Variants in MKLN1 observed in about 807,000 individuals in gnomAD.
The protein encoded by MKLN1 is muskelin 1.
Under a neutral mutation model 99.0 loss-of-function variants are expected in MKLN1, and 18 were observed. That is an observed-to-expected ratio of 0.18 (90% CI 0.13 to 0.27). MKLN1 has a LOEUF of 0.27. Among genes scored for constraint, MKLN1 ranks in the 10% least tolerant of loss-of-function variants. The pLI is 1.00. For synonymous variants in MKLN1, 288 were observed against 293.2 expected, an observed-to-expected ratio of 0.98 and a Z score of 0.18; for missense variants, 621 against 875.9, an observed-to-expected ratio of 0.71 and a Z score of 3.67.
intron 1 of MKLN1, among the ~76,000 whole-genome samples, chr7:131,139,501 G>A (rs1348421705): frequency 6.6e-6 from 1 of 152,096 alleles, no homozygotes; most frequent in African/African-American, 2.4e-5. Flanking sequence ...TCCTAGAGAG[G>A]CCCCCTGCTT....
intron 1 of MKLN1, among the ~76,000 whole-genome samples, chr7:131,339,621 T>C (rs1311642827): frequency 1.3e-5 from 2 of 151,420 alleles, no homozygotes; most frequent in African/African-American, 4.9e-5. Flanking sequence ...ATTGCTTGAA[T>C]CCAGGAGGTG....
rs78688914 is a variant in MKLN1, at chr7:131,315,284, G to A, written c.-178-60140G>A. Among the ~76,000 whole-genome samples the A allele has an allele frequency of 7.9e-3, 1,200 of 152,052 alleles. 18 individuals carry two copies. The highest frequency in any genetic ancestry group is 0.028 in the African/African-American group (1,163 of 41,452). On this transcript the variant is annotated intron_variant, in intron 3 of 7. Coordinates refer to the MKLN1 transcript ENST00000416992. ...CCCATGGAGAGCAAGCAGAAGGGTG[G>A]GGCATTGCTTCACCACGGAAGTGCA...
intron 3 of MKLN1, among the ~76,000 whole-genome samples, chr7:131,278,762 T>C (rs1473604123): frequency 1.3e-5 from 2 of 151,634 alleles, no homozygotes; most frequent in African/African-American, 4.8e-5. Context: ...CCCAGCTAAT[T>C]TTTAAAATTT....
At chr7:131,180,113 A>G (rs2116356653) in intron 2 of MKLN1, among the ~76,000 whole-genome samples, 1 of 152,346 alleles carries the variant, frequency 6.6e-6, no homozygotes, top group South Asian at 2.1e-4. Context: ...AAAGTTTGTC[A>G]TAGCTCTGTG....
At chr7:131,434,867 T>C (rs1055781647) in intron 9 of MKLN1, among the ~76,000 whole-genome samples, 1 of 152,192 alleles carries the variant, frequency 6.6e-6, no homozygotes, top group African/African-American at 2.4e-5. Context: ...CTTTATTTTA[T>C]TTTTTAATGC....
intron 6 of MKLN1, among the ~76,000 whole-genome samples, chr7:131,403,340 A>G (rs1476073794): frequency 6.6e-6 from 1 of 152,186 alleles, no homozygotes; most frequent in Non-Finnish European, 1.5e-5. Flanking sequence ...GAAGAGAGTT[A>G]AGGCCATGCT....
chr7:131,468,385 T>A (rs1021798731), intron 15 of MKLN1, among the ~76,000 whole-genome samples: 3 of 152,216 alleles, frequency 2.0e-5, no homozygotes, highest in African/African-American at 7.2e-5. Flanking sequence ...AGAAATTGCC[T>A]TTTTAATTCA....
At position 131,447,025 on chromosome 7, in the gene MKLN1, C is replaced by T. The variant is rs560292445; in HGVS notation, c.1525+1122C>T. Among the ~76,000 whole-genome samples, 4 of 152,246 alleles carry T rather than the reference C, an allele frequency of 2.6e-5. No individual in the cohort carries two copies. The South Asian group carries it at 8.3e-4, about 32-fold the overall frequency. On this transcript the variant is annotated intron_variant, in intron 12 of 17. Coordinates refer to ENST00000352689, the MANE Select transcript of MKLN1 (RefSeq NM_013255.5). ...TAAAAAACGAAGGATAGGGACACAA[C>T]AGGAAAAGCGAAACTTTTTATAAAA...
At chr7:131,257,639 A>G (rs531149709) in intron 3 of MKLN1, among the ~76,000 whole-genome samples, 3 of 152,264 alleles carry the variant, frequency 2.0e-5, no homozygotes, top group Non-Finnish European at 2.9e-5. Flanking sequence ...ACAGATGAGA[A>G]CCAAATGGCT....
At chr7:131,166,982 C>T (rs1796135343) in intron 2 of MKLN1, among the ~76,000 whole-genome samples, 1 of 152,096 alleles carries the variant, frequency 6.6e-6, no homozygotes, top group African/African-American at 2.4e-5. Flanking sequence ...TGAGCCACTG[C>T]GTCCGGCCTA....
rs1584680318 is a variant in MKLN1 at position 131,384,383 on chromosome 7, GAC to G, written c.169-2733_169-2732del. ...AAGTGTCCTTACTAGACACAGAAAA[GAC>G]ACAGATACAGGGAAGAAAGCCATGT... On this transcript the variant is annotated intron_variant, in intron 2 of 17. Coordinates refer to ENST00000352689, the MANE Select transcript of MKLN1 (RefSeq NM_013255.5). 1.3e-5 allele frequency among the ~76,000 whole-genome samples: 2 copies of G among 151,928 alleles called. 1 individual carries two copies. Among genetic ancestry groups the G allele is most frequent in the South Asian group, 4.2e-4 (2 of 4,812 alleles).
intron 3 of MKLN1, among the ~76,000 whole-genome samples, chr7:131,249,953 A>T (rs1339111716): frequency 6.6e-6 from 1 of 152,182 alleles, no homozygotes; most frequent in Non-Finnish European, 1.5e-5. Context: ...GGAGAGGGGC[A>T]GGTCTGCCTT....
chr7:131,412,424 T>C (rs1040308940), intron 7 of MKLN1, among the ~76,000 whole-genome samples: 1 of 152,218 alleles, frequency 6.6e-6, no homozygotes, highest in Non-Finnish European at 1.5e-5. Flanking sequence ...TGGAACTTTA[T>C]AACCAGCTAC....
At chr7:131,213,165 TACA>T (rs1796932171) in intron 3 of MKLN1, among the ~76,000 whole-genome samples, 1 of 152,082 alleles carries the variant, frequency 6.6e-6, no homozygotes, top group Non-Finnish European at 1.5e-5. Context: ...ACATAAACAA[TACA>T]AAGTATTGTT....
intron 2 of MKLN1, among the ~76,000 whole-genome samples, chr7:131,173,968 C>CTTTTTTTTTT (rs796102760): frequency 5.9e-5 from 7 of 118,658 alleles, no homozygotes; most frequent in African/African-American, 1.5e-4. Context: ...AGACCTTTTT[C>CTTTTTTTTTT]TTTTTCTTTT....
intron 1 of MKLN1, among the ~76,000 whole-genome samples, chr7:131,123,009 C>T (rs1024521262): frequency 3.7e-5 from 4 of 108,606 alleles, no homozygotes; most frequent in Non-Finnish European, 5.1e-5. Context: ...GGCGAAACAG[C>T]GAGACTCCGT....
chr7:131,248,791 C>A (rs907553462), intron 3 of MKLN1, among the ~76,000 whole-genome samples: 2 of 152,152 alleles, frequency 1.3e-5, no homozygotes, highest in African/African-American at 2.4e-5. Context: ...CTGTTTAATA[C>A]CACACTATGT....
chr7:131,312,078 A>G (rs1439428273), intron 3 of MKLN1, among the ~76,000 whole-genome samples: 2 of 152,112 alleles, frequency 1.3e-5, no homozygotes, highest in African/African-American at 2.4e-5. Flanking sequence ...GCTGGAGTGC[A>G]ATGACCTGAT....
chr7:131,424,421 A>G (rs950336146), intron 8 of MKLN1, among the ~76,000 whole-genome samples: 1 of 152,178 alleles, frequency 6.6e-6, no homozygotes, highest in Non-Finnish European at 1.5e-5. Context: ...GTAGTGTGCC[A>G]TCTTGTGGAG....
Sources: gnomAD v4.1 joint callset for allele counts (sites outside exome capture counted in the v4.1 genomes callset) on GRCh38, gnomAD v4.1.1 for gene constraint, MANE v1.5 for transcripts, NCBI Gene and HGNC (gene_info 2026-07-23, HGNC 2026-07-21) for gene names.